The following SARDH variants were observed in gnomAD, a reference collection of about 807,000 sequenced individuals.
The protein encoded by SARDH is sarcosine dehydrogenase, mitochondrial.
In SARDH, 95 loss-of-function variants were observed where a neutral mutation model predicts 109.1. The observed-to-expected ratio is 0.87, with a 90% confidence interval of 0.74 to 1.03. SARDH has a LOEUF of 1.03. Ranked by LOEUF, SARDH falls within the 50% of genes least tolerant of loss-of-function variation. SARDH has a pLI of 0.00. For missense variants in SARDH, 1,267 were observed against 1,287.8 expected (o/e 0.98, Z 0.25); for synonymous variants, 572 against 534.8 (o/e 1.07, Z -0.96).
chr9:133,697,505 G>A (rs1831327034), intron 13 of SARDH, among the ~76,000 whole-genome samples: 1 of 152,056 alleles, frequency 6.6e-6, no homozygotes, highest in African/African-American at 2.4e-5. Flanking sequence ...TACAAATATA[G>A]ATACAAAAAA....
chr9:133,721,770 C>T (rs201781828), intron 6 of SARDH, among the ~76,000 whole-genome samples: 2 of 152,230 alleles, frequency 1.3e-5, no homozygotes, highest in East Asian at 3.9e-4. Context: ...CATGCAAATA[C>T]CCCCAACAAA....
rs1229573572 is a variant in SARDH, at chr9:133,690,464, G to A, written c.1985C>T (p.Thr662Ile). 3.1e-6 allele frequency: 5 copies of A among 1,612,386 alleles called. No individual in the cohort carries two copies. Among genetic ancestry groups the A allele is most frequent in the Middle Eastern group, 1.7e-4 (1 of 6,060 alleles). Residue 662 changes from threonine (T) to isoleucine (I), a missense_variant, in exon 16 of 21, where the codon ACC becomes ATC. Coordinates refer to ENST00000439388, the MANE Select transcript of SARDH (RefSeq NM_001134707.2). ...CTGGGACTTCTGGTCCTGCAGCACGGTGGTGATGTGGGACCAGTTGTGCTG... is the reference window on the plus strand; with the variant it reads ...CTGGGACTTCTGGTCCTGCAGCACGATGGTGATGTGGGACCAGTTGTGCTG... The part of the protein sequence containing the change: ...VAQHNWSHIT[T>I]VLQDQKSQCQ...
In SARDH at chr9:133,666,323, C is replaced by G. The variant is rs1346384532; in HGVS notation, c.2631+412G>C. Among the ~76,000 whole-genome samples, 1 of 152,156 alleles carries G rather than the reference C, an allele frequency of 6.6e-6. No homozygotes were observed. The highest frequency in any genetic ancestry group is 6.5e-5 in the Admixed American group (1 of 15,286). On this transcript the variant is annotated intron_variant, in intron 20 of 20. Coordinates refer to ENST00000439388, the MANE Select transcript of SARDH (RefSeq NM_001134707.2). The surrounding 1 kb of genome is among the most constrained non-coding windows in gnomAD (Gnocchi z 5.2). Reference sequence around the variant, plus strand: ...AGGTTTGGGTCTCTGGTGTGAGGAGCTGGAAGGTATCAGCCTGGCTGGCTG... The same window carrying G: ...AGGTTTGGGTCTCTGGTGTGAGGAGGTGGAAGGTATCAGCCTGGCTGGCTG...
At chr9:133,706,287 C>T (rs546360079) in intron 11 of SARDH, among the ~76,000 whole-genome samples, 10 of 152,270 alleles carry the variant, frequency 6.6e-5, no homozygotes, top group African/African-American at 9.6e-5. Context: ...TAAAAAGCAA[C>T]GAAATTTGGA....
chr9:133,723,788 C>A (rs779501693), intron 6 of SARDH, among the ~76,000 whole-genome samples: 7 of 152,072 alleles, frequency 4.6e-5, no homozygotes, highest in African/African-American at 7.2e-5. Context: ...AATAAATAAA[C>A]CTTCTTCTTC....
rs538580824 is a variant in SARDH, at chr9:133,671,045, A to C, written c.2327-293T>G. Among the ~76,000 whole-genome samples, 24 of 152,198 alleles carry C rather than the reference A, an allele frequency of 1.6e-4. No homozygotes were observed. In the East Asian group the frequency reaches 4.3e-3, roughly 27 times the overall value. On this transcript the variant is annotated intron_variant, in intron 18 of 20. Coordinates refer to ENST00000439388, the MANE Select transcript of SARDH (RefSeq NM_001134707.2). ...TCCCAATGCCCAAGCTGGGTGCCCAACACCCAGGGGAGCTGCCTGACGCCC... is the reference window on the plus strand; with the variant it reads ...TCCCAATGCCCAAGCTGGGTGCCCACCACCCAGGGGAGCTGCCTGACGCCC...
In SARDH at chr9:133,672,134, TCCTCCCGAGCA is replaced by T. The variant is rs570230915; in HGVS notation, c.2164-448_2164-438del. Among the ~76,000 whole-genome samples the T allele has an allele frequency of 1.8e-3, 270 of 152,188 alleles. 3 individuals carry two copies. Among genetic ancestry groups the T allele is most frequent in the African/African-American group, 5.9e-3 (247 of 41,534 alleles). ...CGACCCTTCCACTCTCGAGGGAGCC[TCCTCCCGAGCA>T]CCTCCCGAGCACCTCCCGGCACCCC... On this transcript the variant is annotated intron_variant, in intron 17 of 20. Transcript: ENST00000439388.
At position 133,728,959 on chromosome 9, in the gene SARDH, G is replaced by T. The variant is rs1434327127; in HGVS notation, c.915+806C>A. 6.6e-6 allele frequency among the ~76,000 whole-genome samples: 1 copy of T among 151,696 alleles called. No homozygotes were observed. The highest frequency in any genetic ancestry group is 2.4e-5 in the African/African-American group (1 of 41,262). ...ATGTGGATAAATAGATGAATAGATA[G>T]ATGGAGAGATGGAGGACGGAAGAAT... On this transcript the variant is annotated intron_variant, in intron 6 of 20. Coordinates refer to ENST00000439388, the MANE Select transcript of SARDH (RefSeq NM_001134707.2). This position sits in a 1 kb window ranked among gnomAD's most constrained non-coding sequence, Gnocchi z 5.0.
Position 133,704,936 on chromosome 9 carries a change from G to A in SARDH, c.1554+12C>T, listed in dbSNP as rs774783064. On this transcript the variant is annotated intron_variant, in intron 12 of 20. Coordinates refer to ENST00000439388, the MANE Select transcript of SARDH (RefSeq NM_001134707.2). This position sits in a 1 kb window ranked among gnomAD's most constrained non-coding sequence, Gnocchi z 4.5. Reference sequence around the variant, plus strand: ...GGCCTCCCAGCAGCACAGCCCAGCAGGCACTACTCACCGGAGCTGGGCCTC... The same window carrying A: ...GGCCTCCCAGCAGCACAGCCCAGCAAGCACTACTCACCGGAGCTGGGCCTC... The A allele has an allele frequency of 1.3e-6, 2 of 1,569,026 alleles. No individual in the cohort carries two copies. Among genetic ancestry groups the A allele is most frequent in the Non-Finnish European group, 1.7e-6 (2 of 1,156,984 alleles).
chr9:133,737,742 C>T (rs1588465879), intron 1 of SARDH, among the ~76,000 whole-genome samples: 1 of 152,198 alleles, frequency 6.6e-6, no homozygotes, highest in Non-Finnish European at 1.5e-5. Context: ...CTGGCAGCGG[C>T]CCCAGCGGGG....
chr9:133,722,256 C>T (rs1220573700), intron 6 of SARDH, among the ~76,000 whole-genome samples: 1 of 152,110 alleles, frequency 6.6e-6, no homozygotes, highest in African/African-American at 2.4e-5. Flanking sequence ...ACGTAATCAT[C>T]CCAGTAGATG....
intron 17 of SARDH, among the ~76,000 whole-genome samples, chr9:133,683,447 G>C (rs1331879825): frequency 6.6e-6 from 1 of 152,208 alleles, no homozygotes; most frequent in African/African-American, 2.4e-5. Flanking sequence ...CCAGAACCCA[G>C]CTGCAGACAA....
chr9:133,713,940 C>T (rs936105194), intron 8 of SARDH, among the ~76,000 whole-genome samples: 20 of 152,192 alleles, frequency 1.3e-4, no homozygotes, highest in Non-Finnish European at 5.9e-5. Context: ...TCCCAGCCCT[C>T]GAGGAGCTGA....
chr9:133,681,080 G>A (rs546515053), intron 17 of SARDH, among the ~76,000 whole-genome samples: 24 of 152,352 alleles, frequency 1.6e-4, no homozygotes, highest in South Asian at 1.2e-3. Flanking sequence ...ACTGGCTGTC[G>A]GCAGAGACGA....
At chr9:133,711,470 A>C (rs1331744847) in intron 10 of SARDH, among the ~76,000 whole-genome samples, 1 of 152,194 alleles carries the variant, frequency 6.6e-6, no homozygotes, top group East Asian at 1.9e-4. Flanking sequence ...TTTCCGGGAC[A>C]TTCCTCGCTT....
chr9:133,718,587 G>A lies in SARDH; in HGVS notation c.1020+351C>T. 2 of 758,976 alleles carry A rather than the reference G, an allele frequency of 2.6e-6. No homozygotes were observed. The highest frequency in any genetic ancestry group is 4.9e-6 in the Non-Finnish European group (2 of 410,524). 47.0% of individuals were successfully genotyped at this position (758,976 alleles called of 1,614,324 possible). ...GCTGCCCGGGAAACAGCCCAGGCCA[G>A]GGGAAATGCCGCTGCAGCAGCTGGT... is the stretch of plus-strand genomic sequence containing the variant. On this transcript the variant is annotated intron_variant, in intron 7 of 20. Transcript: ENST00000439388. The surrounding 1 kb of genome is among the most constrained non-coding windows in gnomAD (Gnocchi z 4.2).
At chr9:133,732,393 CCT>C in intron 3 of SARDH, 28 bp downstream of exon 3, 1 of 1,546,196 alleles carries the variant, frequency 6.5e-7, no homozygotes, top group Non-Finnish European at 8.8e-7. Context: ...CCCAAGCCCC[CCT>C]CCTTGCCCCC....
chr9:133,662,597 A>C (rs1033549533), downstream of SARDH, among the ~76,000 whole-genome samples: 13 of 152,182 alleles, frequency 8.5e-5, 1 homozygote, highest in African/African-American at 3.1e-4. This position sits in a 1 kb window ranked among gnomAD's most constrained non-coding sequence, Gnocchi z 5.1. Flanking sequence ...TTTCACAGCC[A>C]TCTGTAACCC....
At chr9:133,715,611 AC>A (rs1832091312) in intron 8 of SARDH, among the ~76,000 whole-genome samples, 1 of 151,520 alleles carries the variant, frequency 6.6e-6, no homozygotes, top group Admixed American at 6.6e-5. Flanking sequence ...AGGGGGCTGG[AC>A]TCCTCGGTGG....
Sources: allele counts gnomAD v4.1 joint callset (sites outside exome capture counted in the v4.1 genomes callset), GRCh38; gene constraint gnomAD v4.1.1; non-coding constraint Gnocchi (gnomAD v3.1); transcripts MANE v1.5; gene names NCBI Gene and HGNC (gene_info 2026-07-23, HGNC 2026-07-21).